Variants in TACC2 observed in about 807,000 individuals in gnomAD.
TACC2 encodes transforming acidic coiled-coil-containing protein 2.
A neutral mutation model predicts 227.3 loss-of-function variants in TACC2; 137 were observed. The ratio of observed to expected loss-of-function variants is 0.60; its 90% CI spans 0.52 to 0.69. The LOEUF is 0.69. Ranked by LOEUF, TACC2 falls within the 30% of genes least tolerant of loss-of-function variation. The probability of loss-of-function intolerance (pLI) is 0.00; values close to 1 mark genes in which losing one functional copy is unlikely to be tolerated. For missense variants in TACC2, 3,470 were observed against 3,694.4 expected (o/e 0.94, Z 1.57); for synonymous variants, 1,523 against 1,487.5 (o/e 1.02, Z -0.55).
chr10:122,232,020 C>A (rs2095761322), intron 16 of TACC2, among the ~76,000 whole-genome samples: 1 of 152,138 alleles, frequency 6.6e-6, no homozygotes, highest in African/African-American at 2.4e-5. Context: ...AAAGAGAGAC[C>A]CCTCCCAGAG....
chr10:121,993,619 T>TG (rs1953133267), intron 1 of TACC2, among the ~76,000 whole-genome samples: 1 of 152,038 alleles, frequency 6.6e-6, no homozygotes, highest in Non-Finnish European at 1.5e-5. Context: ...TTTGTTTGTT[T>TG]TTTGTTTTTT....
At chr10:122,186,965 T>C (rs1196467499) in intron 7 of TACC2, among the ~76,000 whole-genome samples, 1 of 152,192 alleles carries the variant, frequency 6.6e-6, no homozygotes, top group Admixed American at 6.5e-5. Flanking sequence ...CAGTCTGGCC[T>C]TTCTCCAGGA....
intron 16 of TACC2, among the ~76,000 whole-genome samples, chr10:122,233,106 A>C (rs949089849): frequency 6.6e-6 from 1 of 152,158 alleles, no homozygotes; most frequent in African/African-American, 2.4e-5. Flanking sequence ...TCTCCATCTC[A>C]GTTAGAAAAT....
intron 7 of TACC2, among the ~76,000 whole-genome samples, chr10:122,147,686 T>TAC (rs1388021156): frequency 6.6e-6 from 1 of 152,258 alleles, no homozygotes; most frequent in East Asian, 1.9e-4. Context: ...TATAACCCAA[T>TAC]ACTACGTTAT....
At chr10:122,226,934 C>T (rs536089034) in intron 13 of TACC2, among the ~76,000 whole-genome samples, 2 of 152,292 alleles carry the variant, frequency 1.3e-5, no homozygotes, top group South Asian at 2.1e-4. Flanking sequence ...ATTCAAAGCT[C>T]GAATCCCACC....
chr10:122,118,449 A>G (rs893937802), intron 5 of TACC2, among the ~76,000 whole-genome samples: 1 of 151,922 alleles, frequency 6.6e-6, no homozygotes, highest in Non-Finnish European at 1.5e-5. Context: ...ACGGCTAACA[A>G]CCCCTGCGTC....
At chr10:121,998,301 G>A (rs1282501425) in intron 1 of TACC2, among the ~76,000 whole-genome samples, 3 of 133,634 alleles carry the variant, frequency 2.2e-5, no homozygotes, top group Non-Finnish European at 4.6e-5. Flanking sequence ...GACACAGTGA[G>A]ACCACGTTCT....
At chr10:122,109,472 AC>A (rs2083334403) in intron 5 of TACC2, among the ~76,000 whole-genome samples, 1 of 152,118 alleles carries the variant, frequency 6.6e-6, no homozygotes, top group South Asian at 2.1e-4. Flanking sequence ...TCTTATTGGC[AC>A]TGAGTTTCAG....
At chr10:122,073,595 G>T (rs575415982) in intron 3 of TACC2, among the ~76,000 whole-genome samples, 102 of 152,210 alleles carry the variant, frequency 6.7e-4, no homozygotes, top group Non-Finnish European at 4.3e-4. Flanking sequence ...AAGCTCTACT[G>T]AGAAAAAGGC....
In TACC2 at chr10:122,229,941, A is replaced by G. The variant is rs2141422451; in HGVS notation, c.8038-410A>G. On this transcript the variant is annotated intron_variant, in intron 15 of 22. Transcript: ENST00000369005. The stretch of plus-strand genomic sequence containing the variant: ...TTTAAATTTGACAACTTAATTTGAT[A>G]TCCTCTAGACTAGGGTGTTCAGAGC... 2.6e-5 allele frequency among the ~76,000 whole-genome samples: 4 copies of G among 152,332 alleles called. No individual in the cohort carries two copies. In the South Asian group the frequency reaches 8.3e-4, roughly 32 times the overall value.
intron 3 of TACC2, among the ~76,000 whole-genome samples, chr10:122,071,426 C>A (rs1378954204): frequency 6.6e-6 from 1 of 152,076 alleles, no homozygotes; most frequent in Non-Finnish European, 1.5e-5. Flanking sequence ...ATTCTGTTGA[C>A]TTTTAGGACC....
At chr10:122,128,166 A>C (rs4600146) in intron 5 of TACC2, among the ~76,000 whole-genome samples, 151,779 of 152,140 alleles carry the variant, frequency 1, 75,710 homozygotes, top group Middle Eastern at 1. Context: ...TTTCACTTTT[A>C]CAGACAGAAA....
intron 14 of TACC2, 67 bp downstream of exon 14, chr10:122,228,075 A>G: frequency 6.6e-7 from 1 of 1,524,350 alleles, no homozygotes; most frequent in South Asian, 1.2e-5. Flanking sequence ...ATTGTCACCA[A>G]GAAGGCCAGG....
At chr10:121,991,672 G>A (rs1449893977) in intron 1 of TACC2, among the ~76,000 whole-genome samples, 1 of 152,194 alleles carries the variant, frequency 6.6e-6, no homozygotes, top group Non-Finnish European at 1.5e-5. Context: ...GTTTTCATCA[G>A]GATCATGGGA....
chr10:122,062,085 T>A (rs1161264888), intron 3 of TACC2, among the ~76,000 whole-genome samples: 4 of 128,490 alleles, frequency 3.1e-5, no homozygotes, highest in Admixed American at 9.9e-5. Context: ...CAGGCTGGAG[T>A]GCAGTGGCAC....
chr10:122,034,151 C>CAA (rs137962512), intron 2 of TACC2, among the ~76,000 whole-genome samples: 255 of 82,996 alleles, frequency 3.1e-3, no homozygotes, highest in African/African-American at 0.01. Flanking sequence ...GACTCTGTCT[C>CAA]AAAAAAAAAA....
At chr10:122,006,911 G>T (rs1481924282) in intron 1 of TACC2, among the ~76,000 whole-genome samples, 1 of 147,386 alleles carries the variant, frequency 6.8e-6, no homozygotes, top group Non-Finnish European at 1.5e-5. Flanking sequence ...GCCCAGGCTG[G>T]AGTGCAATGG....
chr10:122,187,598 C>G (rs2094251154), intron 7 of TACC2, among the ~76,000 whole-genome samples: 1 of 151,966 alleles, frequency 6.6e-6, no homozygotes, highest in African/African-American at 2.4e-5. Flanking sequence ...TCAAGTGATT[C>G]TCATGCCTCA....
intron 1 of TACC2, among the ~76,000 whole-genome samples, chr10:121,992,563 G>A (rs147900687): frequency 1.3e-5 from 2 of 152,258 alleles, no homozygotes; most frequent in East Asian, 3.9e-4. Context: ...GTCATGCTGG[G>A]CCTATGAAGA....
Sources: gnomAD v4.1 joint callset for allele counts (sites outside exome capture counted in the v4.1 genomes callset) on GRCh38, gnomAD v4.1.1 for gene constraint, MANE v1.5 for transcripts, NCBI Gene and HGNC (gene_info 2026-07-23, HGNC 2026-07-21) for gene names.